Variants in EPHA6 observed in about 807,000 individuals in gnomAD.
The protein encoded by EPHA6 is ephrin type-A receptor 6.
In EPHA6, 50 loss-of-function variants were observed where a neutral mutation model predicts 112.0. The observed-to-expected ratio is 0.45, with a 90% CI of 0.36 to 0.56. EPHA6 has a LOEUF of 0.56. Among genes scored for constraint, EPHA6 ranks in the 20% least tolerant of loss-of-function variants. The pLI is 0.00. For missense variants in EPHA6, 1,280 were observed against 1,417.4 expected (o/e 0.90, Z 1.56); for synonymous variants, 529 against 490.7 (o/e 1.08, Z -1.03).
chr3:96,850,425 T>G (rs971056652), intron 1 of EPHA6, among the ~76,000 whole-genome samples: 2 of 152,162 alleles, frequency 1.3e-5, no homozygotes, highest in Non-Finnish European at 2.9e-5. Flanking sequence ...GAAAGGGTAC[T>G]GTCTCAAATG....
chr3:97,748,450 T>G, intron 17 of EPHA6, 137 bp from the exon 18 acceptor site: 1 of 596,556 alleles, frequency 1.7e-6, no homozygotes, highest in South Asian at 2.1e-5. Context: ...GGCAGAGTGC[T>G]TATTTAATAT....
chr3:97,182,988 G>T (rs1348771405), intron 3 of EPHA6, among the ~76,000 whole-genome samples: 3 of 152,002 alleles, frequency 2.0e-5, no homozygotes, highest in African/African-American at 7.2e-5. Flanking sequence ...AGAAAACAGA[G>T]ATTTTAAATC....
intron 1 of EPHA6, among the ~76,000 whole-genome samples, chr3:96,831,795 A>T (rs1576084798): frequency 6.6e-6 from 1 of 152,098 alleles, no homozygotes; most frequent in Non-Finnish European, 1.5e-5. Flanking sequence ...TACTTATAAG[A>T]TATTAGATAG....
chr3:97,618,568 C>A (rs1433271105), intron 13 of EPHA6, among the ~76,000 whole-genome samples: 5 of 151,828 alleles, frequency 3.3e-5, no homozygotes, highest in Non-Finnish European at 5.9e-5. Context: ...ATAACACAAT[C>A]AGAAATGATA....
At chr3:96,911,940 A>G (rs1426530356) in intron 2 of EPHA6, among the ~76,000 whole-genome samples, 3 of 152,192 alleles carry the variant, frequency 2.0e-5, no homozygotes, top group Admixed American at 2.0e-4. Context: ...TCACAACTGA[A>G]TACAGAATGT....
chr3:97,282,761 CTCACTCATAAGTGGAGCTGAACAA>C (rs376306492), intron 5 of EPHA6, among the ~76,000 whole-genome samples: 5 of 152,218 alleles, frequency 3.3e-5, no homozygotes, highest in African/African-American at 1.2e-4. Flanking sequence ...ACCACATGTT[CTCACTCATAAGTGGAGCTGAACAA>C]TGACAACACA....
chr3:97,225,948 G>A (rs991395970), intron 3 of EPHA6, among the ~76,000 whole-genome samples: 1 of 152,080 alleles, frequency 6.6e-6, no homozygotes, highest in Non-Finnish European at 1.5e-5. Flanking sequence ...TGCCAGTCAT[G>A]GGCATCCCCA....
At chr3:97,335,222 G>C (rs1011604873) in intron 5 of EPHA6, among the ~76,000 whole-genome samples, 1 of 152,130 alleles carries the variant, frequency 6.6e-6, no homozygotes, top group African/African-American at 2.4e-5. Flanking sequence ...AAACCACAAA[G>C]AGCGTGCTTT....
At chr3:97,219,164 C>T (rs1175131980) in intron 3 of EPHA6, among the ~76,000 whole-genome samples, 5 of 152,116 alleles carry the variant, frequency 3.3e-5, no homozygotes, top group African/African-American at 1.2e-4. Context: ...GTGTCTGTGG[C>T]TTTTCCAGGC....
intron 10 of EPHA6, among the ~76,000 whole-genome samples, chr3:97,513,847 T>C (rs2092404732): frequency 6.6e-6 from 1 of 152,162 alleles, no homozygotes; most frequent in Admixed American, 6.6e-5. Flanking sequence ...AATTATTATG[T>C]AGCAATTAGA....
At chr3:96,986,180 GA>G (rs1439369646) in intron 2 of EPHA6, among the ~76,000 whole-genome samples, 1 of 152,114 alleles carries the variant, frequency 6.6e-6, no homozygotes, top group East Asian at 1.9e-4. Flanking sequence ...AATATTAAAT[GA>G]ATAAATATTG....
At chr3:96,986,556 CT>C (rs1399487456) in intron 2 of EPHA6, among the ~76,000 whole-genome samples, 1 of 152,124 alleles carries the variant, frequency 6.6e-6, no homozygotes, top group African/African-American at 2.4e-5. Context: ...TCAGTAAGGC[CT>C]TTTCTAGCCA....
chr3:97,490,781 G>C (rs2091819307), intron 10 of EPHA6, among the ~76,000 whole-genome samples: 1 of 152,166 alleles, frequency 6.6e-6, no homozygotes, highest in Non-Finnish European at 1.5e-5. Flanking sequence ...CACAGTGTCA[G>C]TGGCTCAGGA....
At chr3:97,209,018 T>C (rs972486871) in intron 3 of EPHA6, among the ~76,000 whole-genome samples, 2 of 152,194 alleles carry the variant, frequency 1.3e-5, no homozygotes, top group African/African-American at 4.8e-5. Context: ...TATTCTATAA[T>C]ATTCTCATGT....
chr3:96,881,137 A>G (rs1576223618), intron 2 of EPHA6, among the ~76,000 whole-genome samples: 1 of 152,152 alleles, frequency 6.6e-6, no homozygotes, highest in Non-Finnish European at 1.5e-5. Flanking sequence ...TGTTCTCATC[A>G]GCAATGTGTG....
intron 10 of EPHA6, among the ~76,000 whole-genome samples, chr3:97,524,404 G>A (rs1306366502): frequency 2.6e-5 from 4 of 151,940 alleles, no homozygotes; most frequent in Non-Finnish European, 5.9e-5. Flanking sequence ...TGCTATTGAT[G>A]CAATAATTTA....
At chr3:97,219,351 G>A (rs534514255) in intron 3 of EPHA6, among the ~76,000 whole-genome samples, 1 of 152,298 alleles carries the variant, frequency 6.6e-6, no homozygotes, top group East Asian at 1.9e-4. Flanking sequence ...CCCTGCATCA[G>A]ACTTCTGCCA....
At chr3:97,501,569 TTAAA>T (rs1459047119) in intron 10 of EPHA6, among the ~76,000 whole-genome samples, 1 of 151,970 alleles carries the variant, frequency 6.6e-6, no homozygotes, top group Non-Finnish European at 1.5e-5. Flanking sequence ...TTCAAAGTAA[TTAAA>T]TAACTCACTT....
At chr3:97,580,521 C>T (rs192198225) in intron 11 of EPHA6, among the ~76,000 whole-genome samples, 17 of 152,206 alleles carry the variant, frequency 1.1e-4, no homozygotes, top group East Asian at 1.9e-4. Context: ...TCTTATGGGA[C>T]GGGATGTATT....
Sources: gnomAD v4.1 joint callset for allele counts (sites outside exome capture counted in the v4.1 genomes callset) on GRCh38, gnomAD v4.1.1 for gene constraint, MANE v1.5 for transcripts, NCBI Gene and HGNC (gene_info 2026-07-23, HGNC 2026-07-21) for gene names.